SOS1: variants seen among roughly 807,000 people sequenced by gnomAD.
The protein encoded by SOS1 is son of sevenless homolog 1.
A neutral mutation model predicts 157.6 loss-of-function variants in SOS1; 25 were observed. The ratio of observed to expected loss-of-function variants is 0.16; its 90% CI spans 0.12 to 0.22. The LOEUF (loss-of-function observed/expected upper bound fraction) is 0.22, where lower values mean the gene tolerates loss of function less well. SOS1 is among the 10% of genes least tolerant of loss of function. The pLI is 1.00. For missense variants in SOS1, 1,237 were observed against 1,599.1 expected (o/e 0.77, Z 3.86); for synonymous variants, 528 against 534.0 (o/e 0.99, Z 0.16).
intron 5 of SOS1, 67 bp downstream of exon 5, chr2:39,054,547 A>T: frequency 1.1e-6 from 1 of 925,092 alleles, no homozygotes; most frequent in East Asian, 2.4e-5. Flanking sequence ...GTACAACTTC[A>T]AATTTGAAGT....
rs1668861617 is a variant in SOS1 at position 38,995,395 on chromosome 2, C to CA, written c.3082-9dup. 6.2e-7 allele frequency: 1 copy of CA among 1,611,010 alleles called. No individual in the cohort carries two copies. Among genetic ancestry groups the CA allele is most frequent in the Non-Finnish European group, 8.5e-7 (1 of 1,177,754 alleles). Reference sequence around the variant, plus strand: ...ATAGCTATATTTTTTTGGCTGTAGACATATCAAAAGAAACACAATACTTTA... The same window carrying CA: ...ATAGCTATATTTTTTTGGCTGTAGACAATATCAAAAGAAACACAATACTTTA... On this transcript the variant is annotated splice_polypyrimidine_tract_variant and intron_variant, in intron 19 of 22. Coordinates refer to ENST00000402219, the MANE Select transcript of SOS1 (RefSeq NM_005633.4).
intron 10 of SOS1, among the ~76,000 whole-genome samples, chr2:39,020,498 A>G (rs1363553166): frequency 1.3e-5 from 2 of 151,772 alleles, no homozygotes; most frequent in East Asian, 1.9e-4. Context: ...GTAAGCCACA[A>G]CCTGTACTGC....
At position 38,984,622 on chromosome 2, in the gene SOS1, C is replaced by T. The variant is rs1050763600; in HGVS notation, c.*1202G>A. ...ATATATCCAGAACTAGAAACCAAGG[C>T]GTACCACAAAACGTGCTTTTATGTT... On this transcript the variant is annotated 3_prime_UTR_variant, in exon 23 of 23. Coordinates refer to ENST00000402219, the MANE Select transcript of SOS1 (RefSeq NM_005633.4). 2 of 152,116 alleles carry T rather than the reference C, an allele frequency of 1.3e-5. No homozygotes were observed. Among genetic ancestry groups the T allele is most frequent in the Non-Finnish European group, 2.9e-5 (2 of 68,022 alleles). 9.4% of individuals were successfully genotyped at this position (152,116 alleles called of 1,614,324 possible).
intron 8 of SOS1, among the ~76,000 whole-genome samples, chr2:39,026,349 CG>C (rs1182917362): frequency 2.6e-5 from 2 of 75,488 alleles, no homozygotes; most frequent in Non-Finnish European, 2.7e-5. Flanking sequence ...AGTGAGACTC[CG>C]TCTCAAAAAA....
At chr2:39,053,400 G>A (rs1001886277) in intron 5 of SOS1, among the ~76,000 whole-genome samples, 8 of 152,002 alleles carry the variant, frequency 5.3e-5, no homozygotes, top group African/African-American at 1.9e-4. Flanking sequence ...TGGCCATTTT[G>A]GTTCTTGATT....
intron 1 of SOS1, among the ~76,000 whole-genome samples, chr2:39,096,150 G>T (rs1198192703): frequency 6.6e-6 from 1 of 152,174 alleles, no homozygotes; most frequent in Non-Finnish European, 1.5e-5. Flanking sequence ...CTAGACAGGG[G>T]AAAGCAAGAC....
At chr2:39,051,444 G>A (rs1671013894) in intron 5 of SOS1, 157 bp from the exon 6 acceptor site, 1 of 651,892 alleles carries the variant, frequency 1.5e-6, no homozygotes, top group Non-Finnish European at 2.7e-6. Flanking sequence ...GACAATTCAA[G>A]AATTCCTTCT....
chr2:39,036,864 C>A (rs553597476), intron 6 of SOS1, among the ~76,000 whole-genome samples: 2 of 151,712 alleles, frequency 1.3e-5, no homozygotes, highest in Non-Finnish European at 2.9e-5. Flanking sequence ...TGTGAGCCAC[C>A]GCGCCCGGCC....
intron 1 of SOS1, among the ~76,000 whole-genome samples, chr2:39,099,593 G>T (rs297152): frequency 0.89 from 134,724 of 152,178 alleles, 59,775 homozygotes; most frequent in Non-Finnish European, 0.92. Flanking sequence ...TATTTTTTTG[G>T]ATGGCATACC....
At chr2:39,055,454 C>A (rs193233421) in intron 4 of SOS1, among the ~76,000 whole-genome samples, 66 of 152,226 alleles carry the variant, frequency 4.3e-4, no homozygotes, top group Non-Finnish European at 8.4e-4. Flanking sequence ...CTTGCATCTC[C>A]TCTCTGTGTA....
chr2:39,044,880 A>ACACACACT (rs1670705443), intron 6 of SOS1, among the ~76,000 whole-genome samples: 1 of 150,548 alleles, frequency 6.6e-6, no homozygotes, highest in African/African-American at 2.5e-5. Flanking sequence ...ACACACACAC[A>ACACACACT]CTCTGTTGTC....
chr2:39,037,063 C>CA (rs1670381593), intron 6 of SOS1, among the ~76,000 whole-genome samples: 1 of 152,204 alleles, frequency 6.6e-6, no homozygotes, highest in African/African-American at 2.4e-5. Flanking sequence ...TGCAATATGG[C>CA]ATGTAAACTT....
chr2:38,998,831 C>G (rs1173474133), intron 17 of SOS1, among the ~76,000 whole-genome samples: 9 of 152,116 alleles, frequency 5.9e-5, no homozygotes, highest in Admixed American at 3.9e-4. Flanking sequence ...TTCGTTCACT[C>G]CCCACATGTG....
chr2:38,991,062 C>T (rs900853163), intron 20 of SOS1, among the ~76,000 whole-genome samples: 2 of 152,042 alleles, frequency 1.3e-5, no homozygotes, highest in Non-Finnish European at 2.9e-5. Context: ...TTAAAAAATA[C>T]TGATACCAGG....
At chr2:39,081,341 G>GA (rs1487446914) in intron 1 of SOS1, among the ~76,000 whole-genome samples, 2 of 151,900 alleles carry the variant, frequency 1.3e-5, no homozygotes, top group African/African-American at 4.8e-5. Flanking sequence ...CCAACATGGT[G>GA]AAACCCCGTC....
At position 38,995,407 on chromosome 2, in the gene SOS1, AAC is replaced by A; in HGVS notation, c.3082-22_3082-21del. The A allele has an allele frequency of 6.2e-7, 1 of 1,603,920 alleles. No individual in the cohort carries two copies. The stretch of plus-strand genomic sequence containing the variant: ...TTTTGGCTGTAGACATATCAAAAGA[AAC>A]ACAATACTTTAAACACTGTAGTAGA... On this transcript the variant is annotated intron_variant, in intron 19 of 22. Transcript: ENST00000402219.
chr2:39,109,689 T>G (rs1019220119), intron 1 of SOS1, among the ~76,000 whole-genome samples: 1 of 152,200 alleles, frequency 6.6e-6, no homozygotes, highest in Non-Finnish European at 1.5e-5. Flanking sequence ...CTTGTGCAGT[T>G]TGTCCTCATA....
At chr2:38,989,721 A>G (rs1259235704) in intron 20 of SOS1, among the ~76,000 whole-genome samples, 1 of 152,104 alleles carries the variant, frequency 6.6e-6, no homozygotes, top group Non-Finnish European at 1.5e-5. Flanking sequence ...GAAAAATAAA[A>G]AAGTTACTAA....
At chr2:39,071,823 T>G (rs1671803650) in intron 1 of SOS1, among the ~76,000 whole-genome samples, 1 of 152,202 alleles carries the variant, frequency 6.6e-6, no homozygotes, top group Admixed American at 6.5e-5. Context: ...TATTCGCAGT[T>G]TGCTAAAACA....
Sources: gnomAD v4.1 joint callset for allele counts (sites outside exome capture counted in the v4.1 genomes callset) on GRCh38, gnomAD v4.1.1 for gene constraint, MANE v1.5 for transcripts, NCBI Gene and HGNC (gene_info 2026-07-23, HGNC 2026-07-21) for gene names.